Variants in PCDH15 observed in about 807,000 individuals in gnomAD.
The protein encoded by PCDH15 is protocadherin related 15, also known as protocadherin-15.
A neutral mutation model predicts 178.5 loss-of-function variants in PCDH15; 129 were observed. The observed-to-expected ratio is 0.72, with a 90% CI of 0.63 to 0.84. The LOEUF (loss-of-function observed/expected upper bound fraction) is 0.84, where lower values mean the gene tolerates loss of function less well. Among genes scored for constraint, PCDH15 ranks in the 40% least tolerant of loss-of-function variants. The probability of loss-of-function intolerance (pLI) is 0.00; values close to 1 mark genes in which losing one functional copy is unlikely to be tolerated. For synonymous variants in PCDH15, 800 were observed against 732.0 expected, an observed-to-expected ratio of 1.09 and a Z score of -1.50; for missense variants, 2,230 against 2,099.9, an observed-to-expected ratio of 1.06 and a Z score of -1.21.
intron 2 of PCDH15, among the ~76,000 whole-genome samples, chr10:54,595,050 C>T (rs147769450): frequency 8.0e-4 from 122 of 152,320 alleles, no homozygotes; most frequent in African/African-American, 2.9e-3. Flanking sequence ...GGGCCCTCCA[C>T]CTTCCCAAAC....
intron 1 of PCDH15, among the ~76,000 whole-genome samples, chr10:54,742,305 CAGTGTGTATGGGTA>C (rs1334698210): frequency 6.6e-6 from 1 of 151,884 alleles, no homozygotes. Context: ...CTTATTCCTA[CAGTGTGTATGGGTA>C]AGTGTATTAT....
chr10:55,029,192 A>G (rs956041560), intron 2 of PCDH15, among the ~76,000 whole-genome samples: 1 of 152,040 alleles, frequency 6.6e-6, no homozygotes, highest in African/African-American at 2.4e-5. Flanking sequence ...TCCCGGCCAT[A>G]TTTTCTGTCC....
intron 2 of PCDH15, among the ~76,000 whole-genome samples, chr10:54,550,734 A>G (rs561693753): frequency 6.6e-6 from 1 of 152,352 alleles, no homozygotes; most frequent in South Asian, 2.1e-4. Flanking sequence ...ATTCAAGTAT[A>G]TGATTTTCTA....
chr10:55,351,071 C>G (rs2131967069), intron 2 of PCDH15, among the ~76,000 whole-genome samples: 1 of 129,118 alleles, frequency 7.7e-6, no homozygotes, highest in African/African-American at 2.9e-5. Flanking sequence ...GCTGCTGCCT[C>G]CTCCTCCTCC....
At chr10:54,114,180 G>A (rs929071577) in intron 15 of PCDH15, among the ~76,000 whole-genome samples, 1 of 152,016 alleles carries the variant, frequency 6.6e-6, no homozygotes, top group African/African-American at 2.4e-5. Context: ...AATTTCTATA[G>A]TGTATTTATT....
intron 1 of PCDH15, among the ~76,000 whole-genome samples, chr10:55,262,399 G>C (rs1261837741): frequency 6.6e-6 from 1 of 152,104 alleles, no homozygotes; most frequent in Non-Finnish European, 1.5e-5. Context: ...AGACCACCCT[G>C]GCCCACCATG....
chr10:55,092,696 A>G (rs1185292693), intron 2 of PCDH15, among the ~76,000 whole-genome samples: 1 of 151,920 alleles, frequency 6.6e-6, no homozygotes, highest in African/African-American at 2.4e-5. Flanking sequence ...TTACACCAAG[A>G]ACTGTTTTAG....
chr10:54,390,262 A>C (rs11004273), intron 3 of PCDH15, among the ~76,000 whole-genome samples: 1 of 149,954 alleles, frequency 6.7e-6, no homozygotes, highest in South Asian at 2.1e-4. Flanking sequence ...GCTCCCTGCC[A>C]ATAGTGACAA....
At chr10:54,581,253 T>A (rs553554209) in intron 2 of PCDH15, among the ~76,000 whole-genome samples, 1 of 152,224 alleles carries the variant, frequency 6.6e-6, no homozygotes, top group Non-Finnish European at 1.5e-5. Flanking sequence ...AGTTTCAGAA[T>A]AAAAATTCAA....
At chr10:55,104,808 T>C (rs932587132) in intron 2 of PCDH15, among the ~76,000 whole-genome samples, 1 of 152,164 alleles carries the variant, frequency 6.6e-6, no homozygotes, top group African/African-American at 2.4e-5. Context: ...ATGGGTCCCA[T>C]GGTGTTATTT....
At chr10:54,550,104 C>G (rs1003518185) in intron 2 of PCDH15, among the ~76,000 whole-genome samples, 1 of 152,132 alleles carries the variant, frequency 6.6e-6, no homozygotes, top group Admixed American at 6.6e-5. Flanking sequence ...TTTCTTACAT[C>G]AATAGACTCA....
At chr10:55,438,024 G>T (rs1839088168) in intron 2 of PCDH15, among the ~76,000 whole-genome samples, 1 of 151,566 alleles carries the variant, frequency 6.6e-6, no homozygotes, top group African/African-American at 2.4e-5. Flanking sequence ...TAGTAGACAC[G>T]GGGTTTCTCC....
chr10:54,500,173 T>C lies in PCDH15; in HGVS notation c.157+27639A>G, dbSNP rs1177661994. ...ACATTAAAGCAGTTGGAGGTCATTATATTAAGCAAATAACCACAGAAACAG... is the reference window on the plus strand; with the variant it reads ...ACATTAAAGCAGTTGGAGGTCATTACATTAAGCAAATAACCACAGAAACAG... On this transcript the variant is annotated intron_variant, in intron 3 of 37. Transcript: ENST00000644397. 2.6e-5 allele frequency among the ~76,000 whole-genome samples: 4 copies of C among 152,146 alleles called. No individual in the cohort carries two copies. In the East Asian group the frequency reaches 7.7e-4, roughly 29 times the overall value.
intron 3 of PCDH15, among the ~76,000 whole-genome samples, chr10:54,460,249 T>A (rs920972523): frequency 3.9e-5 from 6 of 152,130 alleles, no homozygotes; most frequent in Non-Finnish European, 7.4e-5. Context: ...ATACCGGCTA[T>A]GTGCCTGACT....
At chr10:54,870,754 C>G (rs1224273758) in intron 3 of PCDH15, among the ~76,000 whole-genome samples, 1 of 151,578 alleles carries the variant, frequency 6.6e-6, no homozygotes, top group Non-Finnish European at 1.5e-5. Flanking sequence ...CCACTGCACT[C>G]TAGCCTGGGC....
intron 3 of PCDH15, among the ~76,000 whole-genome samples, chr10:54,433,622 GTATTT>G (rs2075168109): frequency 6.6e-6 from 1 of 152,024 alleles, no homozygotes; most frequent in Admixed American, 6.6e-5. Context: ...ACAAAACCTA[GTATTT>G]GGTAGCTCAA....
intron 25 of PCDH15, among the ~76,000 whole-genome samples, chr10:53,918,893 G>A (rs755324637): frequency 1.7e-4 from 26 of 152,158 alleles, no homozygotes; most frequent in Admixed American, 2.6e-4. Context: ...AAATTAAGAC[G>A]TAGCAGGTCT....
At chr10:53,988,119 C>T (rs187701648) in intron 21 of PCDH15, among the ~76,000 whole-genome samples, 76 of 152,294 alleles carry the variant, frequency 5.0e-4, no homozygotes, top group African/African-American at 1.7e-3. Flanking sequence ...CGCGTCAGAT[C>T]AAAGCAATCA....
intron 3 of PCDH15, among the ~76,000 whole-genome samples, chr10:54,897,057 C>A (rs1022959537): frequency 3.9e-5 from 6 of 152,138 alleles, no homozygotes; most frequent in Non-Finnish European, 8.8e-5. Flanking sequence ...CATGGTCTTG[C>A]TCCTGTGGCT....
Sources: allele counts gnomAD v4.1 joint callset (sites outside exome capture counted in the v4.1 genomes callset), GRCh38; gene constraint gnomAD v4.1.1; transcripts MANE v1.5; gene names NCBI Gene and HGNC (gene_info 2026-07-23, HGNC 2026-07-21).